The following MACROD2 variants were observed in gnomAD, a reference collection of about 807,000 sequenced individuals.
The protein encoded by MACROD2 is mono-ADP ribosylhydrolase 2, also known as ADP-ribose glycohydrolase MACROD2.
A neutral mutation model predicts 70.4 loss-of-function variants in MACROD2; 36 were observed. The observed-to-expected ratio is 0.51, with a 90% confidence interval of 0.39 to 0.68. MACROD2 has a LOEUF of 0.68. MACROD2 is among the 30% of genes least tolerant of loss of function. The probability of loss-of-function intolerance (pLI) is 0.00; values close to 1 mark genes in which losing one functional copy is unlikely to be tolerated. For missense variants in MACROD2, 496 were observed against 538.4 expected, an observed-to-expected ratio of 0.92 and a Z score of 0.78; for synonymous variants, 172 against 178.8, an observed-to-expected ratio of 0.96 and a Z score of 0.30.
chr20:14,287,648 G>A (rs956786410), intron 3 of MACROD2, among the ~76,000 whole-genome samples: 1 of 152,136 alleles, frequency 6.6e-6, no homozygotes, highest in African/African-American at 2.4e-5. Flanking sequence ...ACTCAGTTGA[G>A]TCTTCTGTTT....
intron 5 of MACROD2, among the ~76,000 whole-genome samples, chr20:14,886,876 A>G (rs1054901132): frequency 6.6e-6 from 1 of 152,176 alleles, no homozygotes; most frequent in Non-Finnish European, 1.5e-5. Flanking sequence ...TGGAGCCATC[A>G]TGGCAGCCTT....
chr20:15,393,802 A>T (rs1477400443), intron 6 of MACROD2, among the ~76,000 whole-genome samples: 1 of 152,140 alleles, frequency 6.6e-6, no homozygotes, highest in Non-Finnish European at 1.5e-5. Context: ...TAACAAGGTA[A>T]GCCTGCCTTC....
chr20:15,319,702 G>A (rs947642923), intron 6 of MACROD2, among the ~76,000 whole-genome samples: 2 of 152,114 alleles, frequency 1.3e-5, no homozygotes, highest in African/African-American at 4.8e-5. Context: ...GAAGCACTAC[G>A]CACAATAGCC....
intron 4 of MACROD2, among the ~76,000 whole-genome samples, chr20:14,582,077 T>C (rs546371202): frequency 1.3e-5 from 2 of 152,102 alleles, no homozygotes; most frequent in Non-Finnish European, 2.9e-5. Context: ...TTACACTTCC[T>C]ATCCCATTCA....
At chr20:14,044,815 G>C (rs1176491339) in intron 2 of MACROD2, among the ~76,000 whole-genome samples, 1 of 152,244 alleles carries the variant, frequency 6.6e-6, no homozygotes, top group Non-Finnish European at 1.5e-5. Flanking sequence ...TGCCACTTCT[G>C]TGCTGTGTGC....
intron 3 of MACROD2, among the ~76,000 whole-genome samples, chr20:14,381,895 C>T (rs2083423920): frequency 6.6e-6 from 1 of 152,118 alleles, no homozygotes; most frequent in African/African-American, 2.4e-5. Flanking sequence ...GAAAGACAGA[C>T]AGATAAGAGA....
At chr20:15,174,092 A>G (rs1174354978) in intron 5 of MACROD2, among the ~76,000 whole-genome samples, 1 of 152,232 alleles carries the variant, frequency 6.6e-6, no homozygotes, top group Non-Finnish European at 1.5e-5. Context: ...CTTTTAAATC[A>G]TGATTTTCCT....
intron 5 of MACROD2, among the ~76,000 whole-genome samples, chr20:15,193,857 T>C (rs1349904753): frequency 6.6e-6 from 1 of 152,044 alleles, no homozygotes; most frequent in African/African-American, 2.4e-5. Context: ...CATCAGGTAT[T>C]GGCAGAATCA....
intron 5 of MACROD2, among the ~76,000 whole-genome samples, chr20:15,163,384 AGATT>A (rs992585408): frequency 9.2e-5 from 14 of 152,050 alleles, no homozygotes; most frequent in African/African-American, 3.4e-4. Flanking sequence ...AGACAATCAA[AGATT>A]GATATGACTG....
intron 3 of MACROD2, among the ~76,000 whole-genome samples, chr20:14,132,453 G>A (rs976694442): frequency 2.6e-5 from 4 of 152,016 alleles, no homozygotes; most frequent in African/African-American, 9.7e-5. Context: ...TAGATCTTTG[G>A]ATTTCCTTAA....
intron 15 of MACROD2, among the ~76,000 whole-genome samples, chr20:16,038,606 C>T (rs564366401): frequency 9.9e-5 from 15 of 151,632 alleles, no homozygotes; most frequent in African/African-American, 3.4e-4. Flanking sequence ...ACTACTTTGC[C>T]GTAAAAATTA....
In MACROD2 at chr20:13,995,671, G is replaced by A; in HGVS notation, c.-93G>A. On this transcript the variant is annotated 5_prime_UTR_variant, in exon 1 of 18. It adds an upstream start codon to the 5' untranslated region. Transcript: ENST00000684519. This position sits in a 1 kb window ranked among gnomAD's most constrained non-coding sequence, Gnocchi z 4.3. Reference sequence around the variant, plus strand: ...GCCTCTTTCACTTTTTCCCTGCTGAGTGCCCCCTCCCACCCCTCCCACTCC... The same window carrying A: ...GCCTCTTTCACTTTTTCCCTGCTGAATGCCCCCTCCCACCCCTCCCACTCC... 1.0e-6 allele frequency: 1 copy of A among 996,684 alleles called. No homozygotes were observed. The highest frequency in any genetic ancestry group is 1.6e-5 in the African/African-American group (1 of 63,192). 61.7% of individuals were successfully genotyped at this position (996,684 alleles called of 1,614,324 possible). A position where few individuals can be genotyped will look rare whatever the true frequency, so the allele number is the denominator to read the frequency against.
chr20:15,623,358 C>T (rs565577577), intron 8 of MACROD2, among the ~76,000 whole-genome samples: 2 of 152,290 alleles, frequency 1.3e-5, no homozygotes, highest in African/African-American at 2.4e-5. Flanking sequence ...AACTTACATG[C>T]GCATCAAACA....
intron 6 of MACROD2, among the ~76,000 whole-genome samples, chr20:15,421,588 G>T (rs192622286): frequency 6.6e-6 from 1 of 151,994 alleles, no homozygotes; most frequent in Non-Finnish European, 1.5e-5. Flanking sequence ...CATGAAAAAA[G>T]GCAAGTTCCA....
chr20:15,040,078 G>A (rs527493094), intron 5 of MACROD2, among the ~76,000 whole-genome samples: 6 of 152,242 alleles, frequency 3.9e-5, no homozygotes, highest in Non-Finnish European at 7.4e-5. Context: ...TCTTTTTGCT[G>A]GGAACCATAT....
intron 10 of MACROD2, among the ~76,000 whole-genome samples, chr20:15,920,905 C>T (rs1457350375): frequency 6.6e-6 from 1 of 152,206 alleles, no homozygotes; most frequent in East Asian, 1.9e-4. Flanking sequence ...ATTCTTCGCA[C>T]CTCCGTCCAA....
At chr20:15,310,487 A>T (rs1333334757) in intron 6 of MACROD2, among the ~76,000 whole-genome samples, 1 of 152,190 alleles carries the variant, frequency 6.6e-6, no homozygotes, top group East Asian at 1.9e-4. Context: ...TGTATATCTG[A>T]TATCTAAATA....
intron 3 of MACROD2, among the ~76,000 whole-genome samples, chr20:14,260,570 T>A (rs550429404): frequency 6.6e-6 from 1 of 152,156 alleles, no homozygotes; most frequent in Non-Finnish European, 1.5e-5. Flanking sequence ...CACAAAATGC[T>A]GGGATTACAG....
At chr20:15,871,794 C>A (rs994718733) in intron 9 of MACROD2, among the ~76,000 whole-genome samples, 16 of 152,080 alleles carry the variant, frequency 1.1e-4, no homozygotes, top group South Asian at 2.1e-4. Flanking sequence ...GTTTGTGAAG[C>A]CCTGACTGAG....
Sources: gnomAD v4.1 joint callset for allele counts (sites outside exome capture counted in the v4.1 genomes callset) on GRCh38, gnomAD v4.1.1 for gene constraint, Gnocchi (gnomAD v3.1) non-coding constraint, MANE v1.5 for transcripts, NCBI Gene and HGNC (gene_info 2026-07-23, HGNC 2026-07-21) for gene names.